CDC42BPB: variants seen among roughly 807,000 people sequenced by gnomAD.
CDC42BPB encodes the protein serine/threonine-protein kinase MRCK beta.
In CDC42BPB, 37 loss-of-function variants were observed where a neutral mutation model predicts 214.9. The observed-to-expected ratio is 0.17, with a 90% CI of 0.13 to 0.23. CDC42BPB has a LOEUF of 0.23. CDC42BPB is among the 10% of genes least tolerant of loss of function. The pLI, the probability that CDC42BPB is intolerant of heterozygous loss-of-function variation, is 1.00. For synonymous variants in CDC42BPB, 931 were observed against 884.0 expected (o/e 1.05, Z -0.94); for missense variants, 1,694 against 2,227.0 (o/e 0.76, Z 4.82).
intron 17 of CDC42BPB, among the ~76,000 whole-genome samples, chr14:102,966,787 CCT>C (rs1442828817): frequency 1.1e-4 from 16 of 152,346 alleles, no homozygotes; most frequent in South Asian, 2.1e-4. Flanking sequence ...CTCTGCCTCC[CCT>C]GTCTCTGAGA....
rs1891836700 is a variant in CDC42BPB at position 102,940,344 on chromosome 14, G to C, written c.4409-20C>G. On this transcript the variant is annotated intron_variant, in intron 30 of 36. Transcript: ENST00000361246. Reference sequence around the variant, plus strand: ...TGCAACCTAGCGCAGACGGAGCAGGGCGGGGTGAGCCACAGTGGCTCAGGA... The same window carrying C: ...TGCAACCTAGCGCAGACGGAGCAGGCCGGGGTGAGCCACAGTGGCTCAGGA... 1.3e-6 allele frequency: 2 copies of C among 1,554,492 alleles called. No homozygotes were observed. Among genetic ancestry groups the C allele is most frequent in the African/African-American group, 1.4e-5 (1 of 73,348 alleles).
In CDC42BPB at chr14:103,025,937, C is replaced by T. The variant is rs78785832; in HGVS notation, c.176-13749G>A. Among the ~76,000 whole-genome samples the T allele has an allele frequency of 6.0e-3, 915 of 152,010 alleles. 13 individuals are homozygous for T. The highest frequency in any genetic ancestry group is 0.021 in the African/African-American group (873 of 41,430). ...ATTACATGAGACTCAGAAACAGACA[C>T]AACCCCAAGATCATGCAATGGGGGA... On this transcript the variant is annotated intron_variant, in intron 1 of 36. Coordinates refer to ENST00000361246, the MANE Select transcript of CDC42BPB (RefSeq NM_006035.4).
intron 2 of CDC42BPB, among the ~76,000 whole-genome samples, chr14:103,010,760 G>A (rs976661971): frequency 2.4e-4 from 36 of 152,194 alleles, no homozygotes; most frequent in African/African-American, 7.2e-4. Flanking sequence ...GGCCAGGCGC[G>A]GTGGCTCACG....
intron 25 of CDC42BPB, chr14:102,950,148 T>C: frequency 1.0e-6 from 1 of 962,322 alleles, no homozygotes; most frequent in Non-Finnish European, 1.2e-6. Flanking sequence ...GGTGCTGTGG[T>C]ACACGCAGCC....
intron 12 of CDC42BPB, 135 bp downstream of exon 12, chr14:102,973,881 C>T (rs1893603587): frequency 2.1e-5 from 24 of 1,156,224 alleles, no homozygotes; most frequent in Admixed American, 2.8e-5. Context: ...CAGGCTTGGC[C>T]CTGGCGTCCT....
intron 1 of CDC42BPB, among the ~76,000 whole-genome samples, chr14:103,042,570 A>T (rs1432078222): frequency 6.6e-6 from 1 of 152,224 alleles, no homozygotes; most frequent in African/African-American, 2.4e-5. Context: ...TCGGCCTCCC[A>T]AAGTGCTAGG....
intron 5 of CDC42BPB, 43 bp from the exon 6 acceptor site, chr14:102,986,623 C>T: frequency 6.3e-7 from 1 of 1,599,962 alleles, no homozygotes; most frequent in Non-Finnish European, 8.5e-7. Flanking sequence ...CTCCATGCAA[C>T]ACATTAGGTA....
At chr14:102,986,715 T>C in intron 5 of CDC42BPB, 135 bp from the exon 6 acceptor site, 10 of 1,359,668 alleles carry the variant, frequency 7.4e-6, no homozygotes, top group Non-Finnish European at 8.5e-6. Context: ...CCAGTACAAA[T>C]GCCTCTGTGT....
At chr14:103,037,294 C>T (rs1887716495) in intron 1 of CDC42BPB, among the ~76,000 whole-genome samples, 1 of 151,852 alleles carries the variant, frequency 6.6e-6, no homozygotes, top group Non-Finnish European at 1.5e-5. Flanking sequence ...ATCATGAGCA[C>T]GCTTTTCTTT....
intron 1 of CDC42BPB, among the ~76,000 whole-genome samples, chr14:103,055,239 A>G (rs1888880161): frequency 6.6e-6 from 1 of 152,208 alleles, no homozygotes; most frequent in African/African-American, 2.4e-5. Flanking sequence ...CCTGGCCAAC[A>G]CTGTGAAACC....
chr14:103,041,122 A>G (rs1016387463), intron 1 of CDC42BPB, among the ~76,000 whole-genome samples: 6 of 152,228 alleles, frequency 3.9e-5, no homozygotes, highest in Non-Finnish European at 7.3e-5. Flanking sequence ...AAAGAAACTC[A>G]TACATTTATG....
At chr14:102,966,789 T>A (rs894093892) in intron 17 of CDC42BPB, among the ~76,000 whole-genome samples, 8 of 152,208 alleles carry the variant, frequency 5.3e-5, no homozygotes, top group African/African-American at 1.4e-4. Flanking sequence ...CTGCCTCCCC[T>A]GTCTCTGAGA....
intron 1 of CDC42BPB, among the ~76,000 whole-genome samples, chr14:103,023,407 T>C (rs1001081005): frequency 2.6e-5 from 4 of 152,140 alleles, no homozygotes; most frequent in African/African-American, 9.7e-5. Flanking sequence ...CCTCAGGTGA[T>C]CCACCTGCCT....
At chr14:102,967,405 C>T (rs1195284644) in intron 16 of CDC42BPB, 2 of 956,646 alleles carry the variant, frequency 2.1e-6, no homozygotes, top group East Asian at 2.3e-4. Flanking sequence ...AGGCAATTGG[C>T]ATCTTTTCGC....
chr14:102,941,696 G>A, intron 30 of CDC42BPB: 2 of 324,666 alleles, frequency 6.2e-6, no homozygotes, highest in Non-Finnish European at 4.4e-6. Flanking sequence ...ACAGATTCTA[G>A]TGAAAAGAAC....
chr14:102,957,058 G>C (rs749050244), intron 21 of CDC42BPB, among the ~76,000 whole-genome samples: 4 of 148,732 alleles, frequency 2.7e-5, no homozygotes, highest in Non-Finnish European at 5.9e-5. Context: ...AAAATTAGCC[G>C]GGCATAGTGG....
chr14:102,966,186 T>C, intron 18 of CDC42BPB, 96 bp downstream of exon 18: 1 of 916,162 alleles, frequency 1.1e-6, no homozygotes. Flanking sequence ...CTTGCATCAC[T>C]GTAATTCCCT....
chr14:102,946,503 G>A lies in CDC42BPB; in HGVS notation c.3713C>T (p.Pro1238Leu). 1 of 1,612,786 alleles carries A rather than the reference G, an allele frequency of 6.2e-7. No individual in the cohort carries two copies. Among genetic ancestry groups the A allele is most frequent in the Non-Finnish European group, 8.5e-7 (1 of 1,179,952 alleles). ...VPLEAYDSSL[P>L]LIKAILTAAI... ...AGCTGTCAGGATGGCCTTGATGAGA[G>A]GCAGCGAGCTGTCGTAGGCTTCCAA... The change falls in exon 28 of 37, where the codon CCT becomes CTT. Residue 1238 changes from proline (P) to leucine (L), a missense_variant. Physicochemically the swap from Pro to Leu is moderately conservative, Grantham distance 98. Coordinates refer to ENST00000361246, the MANE Select transcript of CDC42BPB (RefSeq NM_006035.4).
At chr14:102,939,338 C>A (rs1189633200) in intron 34 of CDC42BPB, among the ~76,000 whole-genome samples, 1 of 152,252 alleles carries the variant, frequency 6.6e-6, no homozygotes, top group Non-Finnish European at 1.5e-5. Flanking sequence ...CCTTAGGAAG[C>A]CCTCACAGGC....
Sources: allele counts gnomAD v4.1 joint callset (sites outside exome capture counted in the v4.1 genomes callset), GRCh38; gene constraint gnomAD v4.1.1; transcripts MANE v1.5; gene names NCBI Gene and HGNC (gene_info 2026-07-23, HGNC 2026-07-21).